The following CDH12 variants were observed in gnomAD, a reference collection of about 807,000 sequenced individuals.
CDH12 encodes the protein cadherin 12, also known as cadherin-12.
In CDH12, 41 loss-of-function variants were observed where a neutral mutation model predicts 74.1. The observed-to-expected ratio is 0.55, with a 90% confidence interval of 0.43 to 0.72. The LOEUF (loss-of-function observed/expected upper bound fraction) is 0.72, where lower values mean the gene tolerates loss of function less well. Among genes scored for constraint, CDH12 ranks in the 30% least tolerant of loss-of-function variants. The pLI is 0.00. For missense variants in CDH12, 945 were observed against 977.2 expected (o/e 0.97, Z 0.44); for synonymous variants, 399 against 355.0 (o/e 1.12, Z -1.39).
intron 6 of CDH12, among the ~76,000 whole-genome samples, chr5:21,913,194 G>T (rs1247225048): frequency 6.6e-6 from 1 of 152,120 alleles, no homozygotes; most frequent in Non-Finnish European, 1.5e-5. Context: ...TAGTTTCTAT[G>T]GCTCATCTTG....
At chr5:22,802,282 C>T (rs962195870) in intron 1 of CDH12, among the ~76,000 whole-genome samples, 2 of 151,714 alleles carry the variant, frequency 1.3e-5, no homozygotes, top group Non-Finnish European at 2.9e-5. Flanking sequence ...CCACCACACC[C>T]GGCTATTTTT....
chr5:22,188,409 C>T (rs1014831732), intron 4 of CDH12, among the ~76,000 whole-genome samples: 3 of 151,930 alleles, frequency 2.0e-5, no homozygotes, highest in African/African-American at 7.3e-5. Context: ...AAATTAATCT[C>T]TATTCTTTAC....
chr5:22,749,695 A>C (rs565805569), intron 1 of CDH12, among the ~76,000 whole-genome samples: 1 of 152,152 alleles, frequency 6.6e-6, no homozygotes, highest in Non-Finnish European at 1.5e-5. Flanking sequence ...ACACAGAGTG[A>C]TTGCTTCATT....
chr5:21,796,118 G>A lies in CDH12; in HGVS notation c.1256+6049C>T, dbSNP rs373850678. 8.2e-4 allele frequency among the ~76,000 whole-genome samples: 125 copies of A among 152,074 alleles called. 4 individuals are homozygous for A. In the South Asian group the frequency reaches 0.025, roughly 30 times the overall value. On this transcript the variant is annotated intron_variant, in intron 10 of 14. Coordinates refer to ENST00000382254, the MANE Select transcript of CDH12 (RefSeq NM_004061.5). ...TTGTTAGAAAGATCATTAAACAAAA[G>A]CATAGATAAGATGACAAATACAGAT...
chr5:21,807,978 C>T (rs1199568217), intron 9 of CDH12, among the ~76,000 whole-genome samples: 1 of 152,010 alleles, frequency 6.6e-6, no homozygotes, highest in African/African-American at 2.4e-5. Context: ...TTTCGTCCTG[C>T]CTTATAAGAA....
chr5:22,796,126 C>T (rs534445373), intron 1 of CDH12, among the ~76,000 whole-genome samples: 65 of 152,278 alleles, frequency 4.3e-4, no homozygotes, highest in African/African-American at 1.5e-3. Context: ...CACATCTTGG[C>T]TATTGTGAAA....
At chr5:22,609,232 T>C (rs1284095689) in intron 1 of CDH12, among the ~76,000 whole-genome samples, 1 of 152,212 alleles carries the variant, frequency 6.6e-6, no homozygotes, top group Non-Finnish European at 1.5e-5. Context: ...CCAGGCCCTC[T>C]CAACTACTTG....
At chr5:21,929,320 T>C (rs1034747085) in intron 6 of CDH12, among the ~76,000 whole-genome samples, 2 of 151,814 alleles carry the variant, frequency 1.3e-5, no homozygotes, top group Admixed American at 1.3e-4. Flanking sequence ...ACTCACTGTA[T>C]AGAATCAGTG....
intron 3 of CDH12, among the ~76,000 whole-genome samples, chr5:22,293,146 G>A (rs1351700541): frequency 6.6e-6 from 1 of 152,140 alleles, no homozygotes; most frequent in African/African-American, 2.4e-5. Context: ...TCTTCCTGCT[G>A]CTGTAGCCCC....
chr5:21,955,795 C>A (rs1215628926), intron 6 of CDH12, among the ~76,000 whole-genome samples: 1 of 151,988 alleles, frequency 6.6e-6, no homozygotes, highest in South Asian at 2.1e-4. Flanking sequence ...TGTGTGATGG[C>A]GTGACTCAGG....
At position 22,430,087 on chromosome 5, in the gene CDH12, C is replaced by G. The variant is rs143349334; in HGVS notation, c.-427-24736G>C. ...TTCCTTTTATATACCCCCTAAGATA[C>G]TTTTACTACTTGAGAAAATACCTTA... is the stretch of plus-strand genomic sequence containing the variant. On this transcript the variant is annotated intron_variant, in intron 2 of 14. Coordinates refer to ENST00000382254, the MANE Select transcript of CDH12 (RefSeq NM_004061.5). Among the ~76,000 whole-genome samples the G allele has an allele frequency of 1.2e-3, 189 of 152,222 alleles. 2 individuals carry two copies. Among genetic ancestry groups the G allele is most frequent in the African/African-American group, 4.3e-3 (180 of 41,532 alleles).
At position 21,833,181 on chromosome 5, in the gene CDH12, A is replaced by G. The variant is rs1397112786; in HGVS notation, c.814+8980T>C. On this transcript the variant is annotated intron_variant, in intron 8 of 14. Coordinates refer to ENST00000382254, the MANE Select transcript of CDH12 (RefSeq NM_004061.5). ...AATATATATTATATTATAAATATAT[A>G]TTATATAACATATAATATATATATT... Among the ~76,000 whole-genome samples the G allele has an allele frequency of 1.8e-3, 63 of 35,818 alleles. 11 individuals carry two copies. Among genetic ancestry groups the G allele is most frequent in the African/African-American group, 9.7e-3 (34 of 3,504 alleles). The allele number at this position is 35,818 out of a possible 152,430, so 23.5% of individuals were successfully genotyped here.
At chr5:22,590,909 C>A (rs1201239979) in intron 1 of CDH12, among the ~76,000 whole-genome samples, 1 of 152,078 alleles carries the variant, frequency 6.6e-6, no homozygotes, top group African/African-American at 2.4e-5. Context: ...GTATTTTATG[C>A]TATTGGCGGC....
At chr5:22,799,638 G>A (rs1284490155) in intron 1 of CDH12, among the ~76,000 whole-genome samples, 1 of 152,062 alleles carries the variant, frequency 6.6e-6, no homozygotes, top group African/African-American at 2.4e-5. Flanking sequence ...GCAGTTTGAA[G>A]TAACTATTTT....
intron 1 of CDH12, among the ~76,000 whole-genome samples, chr5:22,525,831 G>T (rs1156681298): frequency 6.6e-6 from 1 of 152,180 alleles, no homozygotes; most frequent in Admixed American, 6.5e-5. Flanking sequence ...AGGGTTATGA[G>T]CATAACTACC....
At chr5:22,613,414 C>A (rs10070437) in intron 1 of CDH12, among the ~76,000 whole-genome samples, 20,588 of 151,904 alleles carry the variant, frequency 0.14, 2,001 homozygotes, top group Admixed American at 0.32. Flanking sequence ...TAATCTTGTG[C>A]AACTGTACAG....
At chr5:22,570,459 C>T (rs1444377825) in intron 1 of CDH12, among the ~76,000 whole-genome samples, 3 of 151,928 alleles carry the variant, frequency 2.0e-5, no homozygotes, top group African/African-American at 2.4e-5. Flanking sequence ...TTAATCCCTG[C>T]GTATATCTCC....
chr5:22,427,994 A>G (rs1744011268), intron 2 of CDH12, among the ~76,000 whole-genome samples: 1 of 152,186 alleles, frequency 6.6e-6, no homozygotes, highest in Non-Finnish European at 1.5e-5. Flanking sequence ...ATATCGAGGG[A>G]CTACTAGTAG....
intron 1 of CDH12, among the ~76,000 whole-genome samples, chr5:22,721,956 C>G (rs912712526): frequency 6.6e-6 from 1 of 152,098 alleles, no homozygotes; most frequent in South Asian, 2.1e-4. Context: ...GTCAATTAAA[C>G]CTCTTTATAA....
Sources: gnomAD v4.1 joint callset for allele counts (sites outside exome capture counted in the v4.1 genomes callset) on GRCh38, gnomAD v4.1.1 for gene constraint, MANE v1.5 for transcripts, NCBI Gene and HGNC (gene_info 2026-07-23, HGNC 2026-07-21) for gene names.